DUSP7: variants seen among roughly 807,000 people sequenced by gnomAD.
DUSP7 encodes the protein dual specificity protein phosphatase 7.
DUSP7 carries 7 observed loss-of-function variants against 29.8 expected under a neutral mutation model. That is an observed-to-expected ratio of 0.24 (90% CI 0.13 to 0.44). The LOEUF is 0.44. Ranked by LOEUF, DUSP7 falls within the 20% of genes least tolerant of loss-of-function variation. DUSP7 has a pLI of 1.00. For synonymous variants in DUSP7, 287 were observed against 275.4 expected, an observed-to-expected ratio of 1.04 and a Z score of -0.42; for missense variants, 400 against 583.7, an observed-to-expected ratio of 0.69 and a Z score of 3.24.
chr3:52,056,453 GGCGCCCGCCTCCCGCCGAGCTGC>G lies in DUSP7; in HGVS notation c.-110_-88del, dbSNP rs1211938140. 7 of 714,420 alleles carry G rather than the reference GGCGCCCGCCTCCCGCCGAGCTGC, an allele frequency of 9.8e-6. No individual in the cohort carries two copies. The highest frequency in any genetic ancestry group is 6.5e-5 in the Admixed American group (1 of 15,412). 44.3% of individuals were successfully genotyped at this position (714,420 alleles called of 1,614,324 possible). On this transcript the variant is annotated 5_prime_UTR_variant, in exon 1 of 3. Coordinates refer to ENST00000495880, the MANE Select transcript of DUSP7 (RefSeq NM_001947.4). The surrounding 1 kb of genome is among the most constrained non-coding windows in gnomAD (Gnocchi z 6.4). ...CGCGCGGGCCCCAGCCGCGTCTCCG[GGCGCCCGCCTCCCGCCGAGCTGC>G]GCGCCCGCCGCCCCGGCCTCCCGGC...
At position 52,054,517 on chromosome 3, in the gene DUSP7, G is replaced by A. The variant is rs1701879008; in HGVS notation, c.518-143C>T. ...ATGGGCCATGCCAAGCATGTTACAC[G>A]TGTGCCCTCTCTCGTGTTCTCTCCA... On this transcript the variant is annotated intron_variant, in intron 1 of 2. Transcript: ENST00000495880. This position sits in a 1 kb window ranked among gnomAD's most constrained non-coding sequence, Gnocchi z 4.1. The A allele has an allele frequency of 4.6e-6, 3 of 648,050 alleles. No homozygotes were observed. Among genetic ancestry groups the A allele is most frequent in the South Asian group, 2.2e-5 (1 of 44,886 alleles). The allele number at this position is 648,050 out of a possible 1,614,324, so 40.1% of individuals were successfully genotyped here. A position where few individuals can be genotyped will look rare whatever the true frequency, so the allele number is the denominator to read the frequency against.
In DUSP7 at chr3:52,053,752, G is replaced by A. The variant is rs967691093; in HGVS notation, c.952+188C>T. 24 of 638,424 alleles carry A rather than the reference G, an allele frequency of 3.8e-5. No individual in the cohort carries two copies. The African/African-American group carries it at 3.8e-4, about 10-fold the overall frequency. The allele number at this position is 638,424 out of a possible 1,614,324, so 39.5% of individuals were successfully genotyped here. A position where few individuals can be genotyped will look rare whatever the true frequency, so the allele number is the denominator to read the frequency against. On this transcript the variant is annotated intron_variant, in intron 2 of 2. Transcript: ENST00000495880. The surrounding 1 kb of genome is among the most constrained non-coding windows in gnomAD (Gnocchi z 4.6). ...CAGGAGACTGCTCAGGCCCCAACAG[G>A]TAGAGGGGCCCAAGGGACTCGGTGA...
chr3:52,053,643 C>G lies in DUSP7; in HGVS notation c.952+297G>C. 1 of 447,456 alleles carries G rather than the reference C, an allele frequency of 2.2e-6. No homozygotes were observed. The highest frequency in any genetic ancestry group is 4.1e-6 in the Non-Finnish European group (1 of 242,582). The allele number at this position is 447,456 out of a possible 1,614,324, so 27.7% of individuals were successfully genotyped here. A position where few individuals can be genotyped will look rare whatever the true frequency, so the allele number is the denominator to read the frequency against. ...GCTGTGATGTTTCAGCTTGCTAAGCCCGAAACAACATCTAAGCCAGGAAAA... is the reference window on the plus strand; with the variant it reads ...GCTGTGATGTTTCAGCTTGCTAAGCGCGAAACAACATCTAAGCCAGGAAAA... On this transcript the variant is annotated intron_variant, in intron 2 of 2. Transcript: ENST00000495880. The surrounding 1 kb of genome is among the most constrained non-coding windows in gnomAD (Gnocchi z 4.6).
At position 52,055,942 on chromosome 3, in the gene DUSP7, T is replaced by C. The variant is rs1224780027; in HGVS notation, c.425A>G (p.Glu142Gly). 6.4e-7 allele frequency: 1 copy of C among 1,565,650 alleles called. No homozygotes were observed. The highest frequency in any genetic ancestry group is 1.9e-5 in the Admixed American group (1 of 53,320). The change falls in exon 1 of 3, where the codon GAG becomes GGG. Residue 142 changes from glutamate (E) to glycine (G), a missense_variant. Physicochemically the swap from Glu to Gly is moderately conservative, Grantham distance 98. Around this residue, in one of 4 missense-constraint regions of DUSP7, gnomAD observed 223 missense variants for 360.9 expected, o/e 0.62. Transcript: ENST00000495880. ...GGGAGCGCCGGGCTCGGGCTGCCAC[T>C]CGGCCGTGGCCTCGTCGTAGAGCAG... Reference protein sequence around the residue: ...TVLLYDEATAEWQPEPGAPAS... With the variant: ...TVLLYDEATAGWQPEPGAPAS...
rs1478162779 is a variant in DUSP7, at chr3:52,050,775, C to T, written c.*40G>A. ...TCTCCCACCTAGCCCTGTGGAGAGC[C>T]GAGCAGGGGCCTGGTGCCATGCCCC... is the stretch of plus-strand genomic sequence containing the variant. On this transcript the variant is annotated 3_prime_UTR_variant, in exon 3 of 3. Coordinates refer to ENST00000495880, the MANE Select transcript of DUSP7 (RefSeq NM_001947.4). This position sits in a 1 kb window ranked among gnomAD's most constrained non-coding sequence, Gnocchi z 5.0. 3 of 1,579,714 alleles carry T rather than the reference C, an allele frequency of 1.9e-6. No homozygotes were observed. Among genetic ancestry groups the T allele is most frequent in the Non-Finnish European group, 1.7e-6 (2 of 1,160,166 alleles).
At chr3:52,055,816 C>T (rs1378251093) in intron 1 of DUSP7, 34 bp downstream of exon 1, 1 of 1,490,892 alleles carries the variant, frequency 6.7e-7, no homozygotes, top group Admixed American at 2.3e-5. Context: ...CGGGGGGGCC[C>T]CGATCCCGTA....
rs1701831744 is a variant in DUSP7 at position 52,050,208 on chromosome 3, A to T, written c.*607T>A. 1 of 152,250 alleles carries T rather than the reference A, an allele frequency of 6.6e-6. No individual in the cohort carries two copies. Among genetic ancestry groups the T allele is most frequent in the Non-Finnish European group, 1.5e-5 (1 of 68,056 alleles). 9.4% of individuals were successfully genotyped at this position (152,250 alleles called of 1,614,324 possible). Reference sequence around the variant, plus strand: ...GTGCAAAACGCATTTGGTCAAGGTCAACATGGCGTCTGTCTTTTCCATTAA... The same window carrying T: ...GTGCAAAACGCATTTGGTCAAGGTCTACATGGCGTCTGTCTTTTCCATTAA... On this transcript the variant is annotated 3_prime_UTR_variant, in exon 3 of 3. Transcript: ENST00000495880. The surrounding 1 kb of genome is among the most constrained non-coding windows in gnomAD (Gnocchi z 5.0).
In DUSP7 at chr3:52,050,567, G is replaced by T; in HGVS notation, c.*248C>A. On this transcript the variant is annotated 3_prime_UTR_variant, in exon 3 of 3. Coordinates refer to ENST00000495880, the MANE Select transcript of DUSP7 (RefSeq NM_001947.4). The surrounding 1 kb of genome is among the most constrained non-coding windows in gnomAD (Gnocchi z 5.0). ...AGCGTCCTGGACAGGATGAGGCCCT[G>T]GTGGACGCCCAAAGCCACGTGTCCA... The T allele has an allele frequency of 2.0e-6, 1 of 504,170 alleles. No individual in the cohort carries two copies. The highest frequency in any genetic ancestry group is 3.5e-6 in the Non-Finnish European group (1 of 283,798). The allele number at this position is 504,170 out of a possible 1,614,324, so 31.2% of individuals were successfully genotyped here.
intron 1 of DUSP7, among the ~76,000 whole-genome samples, chr3:52,055,216 A>T (rs1383896373): frequency 2.5e-5 from 3 of 120,718 alleles, no homozygotes; most frequent in African/African-American, 6.4e-5. Flanking sequence ...CACCGGCCTC[A>T]GCCACTCGCC....
In DUSP7 at chr3:52,054,463, C is replaced by T. The variant is rs573778559; in HGVS notation, c.518-89G>A. On this transcript the variant is annotated intron_variant, in intron 1 of 2. Transcript: ENST00000495880. This position sits in a 1 kb window ranked among gnomAD's most constrained non-coding sequence, Gnocchi z 4.1. ...GACCAGAGATGGCCAGGACTCTGCA[C>T]GCCAAACACCACAGCACCCACGGTC... is the stretch of plus-strand genomic sequence containing the variant. The T allele has an allele frequency of 1.2e-5, 13 of 1,113,160 alleles. No homozygotes were observed. The highest frequency in any genetic ancestry group is 8.2e-5 in the Admixed American group (3 of 36,636). 69.0% of individuals were successfully genotyped at this position (1,113,160 alleles called of 1,614,324 possible). A position where few individuals can be genotyped will look rare whatever the true frequency, so the allele number is the denominator to read the frequency against.
In DUSP7 at chr3:52,050,387, TA is replaced by T. The variant is rs56411906; in HGVS notation, c.*427del. 0.13 allele frequency: 16,022 copies of T among 128,004 alleles called. 982 individuals are homozygous for T. The highest frequency in any genetic ancestry group is 0.21 in the African/African-American group (7,271 of 34,830). The allele number at this position is 128,004 out of a possible 1,614,324, so 7.9% of individuals were successfully genotyped here. The stretch of plus-strand genomic sequence containing the variant: ...GTAGCCTGAAAATAACACTTTTTGT[TA>T]AAAAAAAAAAAAAAAAAGAAAAATC... On this transcript the variant is annotated 3_prime_UTR_variant, in exon 3 of 3. Transcript: ENST00000495880. The surrounding 1 kb of genome is among the most constrained non-coding windows in gnomAD (Gnocchi z 5.0).
Position 52,051,107 on chromosome 3 carries a change from T to C in DUSP7, c.968A>G (p.Lys323Arg). The C allele has an allele frequency of 1.2e-6, 2 of 1,609,308 alleles. No homozygotes were observed. ...GCAGTGCACCAGGACACCACACTTC[T>C]TGGAGCGGGCTTCGTCTGAAACACA... Reference protein sequence around the residue: ...AISFIDEARSKKCGVLVHCLA... With the variant: ...AISFIDEARSRKCGVLVHCLA... The change falls in exon 3 of 3, where the codon AAG (lysine) becomes AGG (arginine). Residue 323 changes from lysine (K) to arginine (R), a missense_variant. This residue lies in a region of DUSP7 where 223 missense variants were observed against 360.9 expected (regional missense o/e 0.62). Transcript: ENST00000495880. This position sits in a 1 kb window ranked among gnomAD's most constrained non-coding sequence, Gnocchi z 4.8.
In DUSP7 at chr3:52,054,438, G is replaced by C. The variant is rs1455967116; in HGVS notation, c.518-64C>G. 1 of 1,392,188 alleles carries C rather than the reference G, an allele frequency of 7.2e-7. No individual in the cohort carries two copies. The highest frequency in any genetic ancestry group is 9.7e-7 in the Non-Finnish European group (1 of 1,028,926). 86.2% of individuals were successfully genotyped at this position (1,392,188 alleles called of 1,614,324 possible). On this transcript the variant is annotated intron_variant, in intron 1 of 2. Transcript: ENST00000495880. The surrounding 1 kb of genome is among the most constrained non-coding windows in gnomAD (Gnocchi z 4.1). Reference sequence around the variant, plus strand: ...GTGAGAGCCCAGATGGGCTGCACAAGACCAGAGATGGCCAGGACTCTGCAC... The same window carrying C: ...GTGAGAGCCCAGATGGGCTGCACAACACCAGAGATGGCCAGGACTCTGCAC...
At chr3:52,055,806 C>CGG (rs372791699) in intron 1 of DUSP7, 44 bp downstream of exon 1, 33 of 1,479,932 alleles carry the variant, frequency 2.2e-5, no homozygotes, top group Non-Finnish European at 2.9e-5. Context: ...CAGGGAGTCG[C>CGG]GGGGGGGCCC....
intron 2 of DUSP7, chr3:52,052,240 C>T (rs943831775): frequency 6.6e-6 from 1 of 152,316 alleles, no homozygotes; most frequent in Non-Finnish European, 1.5e-5. Flanking sequence ...CTCCAGGAGC[C>T]AGGCACACAG....
Position 52,054,518 on chromosome 3 carries a change from TGTGCCCTCTCTC to T in DUSP7, c.518-156_518-145del. The stretch of plus-strand genomic sequence containing the variant: ...TGGGCCATGCCAAGCATGTTACACG[TGTGCCCTCTCTC>T]GTGTTCTCTCCATCTAAACCATGAC... On this transcript the variant is annotated intron_variant, in intron 1 of 2. Transcript: ENST00000495880. The surrounding 1 kb of genome is among the most constrained non-coding windows in gnomAD (Gnocchi z 4.1). The T allele has an allele frequency of 1.5e-6, 1 of 645,518 alleles. No individual in the cohort carries two copies. Among genetic ancestry groups the T allele is most frequent in the Non-Finnish European group, 2.6e-6 (1 of 388,410 alleles). The allele number at this position is 645,518 out of a possible 1,614,324, so 40.0% of individuals were successfully genotyped here.
chr3:52,056,419 CGCCCCGGCCGCGCGG>C lies in DUSP7; in HGVS notation c.-68_-54del, dbSNP rs1701901714. ...GCCGGGCAGCCCTGCCCTGGGACGG[CGCCCCGGCCGCGCGG>C]GCCCCAGCCGCGTCTCCGGGCGCCC... On this transcript the variant is annotated 5_prime_UTR_variant, in exon 1 of 3. Transcript: ENST00000495880. The surrounding 1 kb of genome is among the most constrained non-coding windows in gnomAD (Gnocchi z 6.4). 2.1e-6 allele frequency: 2 copies of C among 937,472 alleles called. No homozygotes were observed. Among genetic ancestry groups the C allele is most frequent in the Non-Finnish European group, 2.5e-6 (2 of 787,102 alleles). The allele number at this position is 937,472 out of a possible 1,614,324, so 58.1% of individuals were successfully genotyped here.
intron 2 of DUSP7, chr3:52,052,803 C>G (rs1233864140): frequency 6.6e-6 from 1 of 152,316 alleles, no homozygotes; most frequent in Non-Finnish European, 1.5e-5. Flanking sequence ...GCCTGCTTCC[C>G]TCTCTCTATT....
Position 52,049,689 on chromosome 3 carries a change from TACA to T in DUSP7, c.*1123_*1125del, listed in dbSNP as rs1013639282. On this transcript the variant is annotated 3_prime_UTR_variant, in exon 3 of 3. Transcript: ENST00000495880. ...CAGCCACTGGGCCTCCACTCCCAGT[TACA>T]ACAAGAGAGAGGAAAGGAAGAGAGA... 10 of 145,090 alleles carry T rather than the reference TACA, an allele frequency of 6.9e-5. No individual in the cohort carries two copies. The highest frequency in any genetic ancestry group is 1.8e-4 in the African/African-American group (7 of 38,544). The allele number at this position is 145,090 out of a possible 1,614,324, so 9.0% of individuals were successfully genotyped here.
Sources: gnomAD v4.1 joint callset for allele counts (sites outside exome capture counted in the v4.1 genomes callset) on GRCh38, gnomAD v4.1.1 for gene constraint, gnomAD v4.1.1 regional missense constraint, Gnocchi (gnomAD v3.1) non-coding constraint, MANE v1.5 for transcripts, NCBI Gene and HGNC (gene_info 2026-07-23, HGNC 2026-07-21) for gene names.